Variants in CYFIP2 observed in about 807,000 individuals in gnomAD.
CYFIP2 encodes cytoplasmic FMR1 interacting protein 2.
Under a neutral mutation model 158.7 loss-of-function variants are expected in CYFIP2, and 29 were observed. The observed-to-expected ratio is 0.18, with a 90% CI of 0.14 to 0.25. CYFIP2 has a LOEUF of 0.25. Among genes scored for constraint, CYFIP2 ranks in the 10% least tolerant of loss-of-function variants. CYFIP2 has a pLI of 1.00. For synonymous variants in CYFIP2, 585 were observed against 617.6 expected, an observed-to-expected ratio of 0.95 and a Z score of 0.78; for missense variants, 852 against 1,639.5, an observed-to-expected ratio of 0.52 and a Z score of 8.29.
intron 20 of CYFIP2, among the ~76,000 whole-genome samples, chr5:157,331,809 A>G (rs1008616698): frequency 6.6e-6 from 1 of 152,184 alleles, no homozygotes; most frequent in Non-Finnish European, 1.5e-5. Flanking sequence ...GTTGGTAGAA[A>G]ATTGATGCCA....
chr5:157,341,049 C>A, intron 22 of CYFIP2, 21 bp from the exon 23 acceptor site: 1 of 1,609,360 alleles, frequency 6.2e-7, no homozygotes, highest in East Asian at 2.2e-5. Flanking sequence ...TAACTCTTTC[C>A]CATCCCTATG....
chr5:157,310,813 A>G (rs1759652625), intron 10 of CYFIP2, among the ~76,000 whole-genome samples: 1 of 152,236 alleles, frequency 6.6e-6, no homozygotes, highest in Admixed American at 6.5e-5. Context: ...TGTGAGAACC[A>G]TATCAGGGCT....
At chr5:157,355,294 C>T (rs1763339823) in intron 23 of CYFIP2, among the ~76,000 whole-genome samples, 1 of 152,170 alleles carries the variant, frequency 6.6e-6, no homozygotes, top group African/African-American at 2.4e-5. Context: ...TCGTAGCTGT[C>T]GCCAAAGCTG....
intron 15 of CYFIP2, 100 bp from the exon 16 acceptor site, chr5:157,323,821 C>A: frequency 7.7e-7 from 1 of 1,302,590 alleles, no homozygotes; most frequent in Admixed American, 2.9e-5. Context: ...GAGCAGACAT[C>A]TGCAGAAAAA....
At chr5:157,287,951 G>A (rs1205487371) in intron 3 of CYFIP2, among the ~76,000 whole-genome samples, 1 of 151,880 alleles carries the variant, frequency 6.6e-6, no homozygotes, top group Non-Finnish European at 1.5e-5. Context: ...AAATTAGCCG[G>A]GTGAGGTGGC....
At chr5:157,380,776 T>A (rs1344411592) in intron 26 of CYFIP2, among the ~76,000 whole-genome samples, 1 of 152,210 alleles carries the variant, frequency 6.6e-6, no homozygotes, top group Non-Finnish European at 1.5e-5. Context: ...TAATTCACCA[T>A]GTGAATATGA....
At chr5:157,335,525 C>T (rs1184723555) in intron 21 of CYFIP2, among the ~76,000 whole-genome samples, 1 of 152,184 alleles carries the variant, frequency 6.6e-6, no homozygotes, top group African/African-American at 2.4e-5. Flanking sequence ...ATCTGCCTGC[C>T]TTGGCCTCCC....
intron 29 of CYFIP2, among the ~76,000 whole-genome samples, chr5:157,389,850 G>A (rs1425973555): frequency 6.6e-6 from 1 of 152,208 alleles, no homozygotes; most frequent in African/African-American, 2.4e-5. Flanking sequence ...CTGTTTCAGA[G>A]CAGCGCTAGC....
At chr5:157,371,981 C>A (rs1561776758) in intron 26 of CYFIP2, among the ~76,000 whole-genome samples, 1 of 152,172 alleles carries the variant, frequency 6.6e-6, no homozygotes, top group Non-Finnish European at 1.5e-5. Flanking sequence ...ACTACTGAAT[C>A]ATAACTTTTA....
At position 157,315,088 on chromosome 5, in the gene CYFIP2, C is replaced by T. The variant is rs561569282; in HGVS notation, c.1350C>T (p.Phe450=). 14 of 1,613,590 alleles carry T rather than the reference C, an allele frequency of 8.7e-6. No individual in the cohort carries two copies. Among genetic ancestry groups the T allele is most frequent in the East Asian group, 4.5e-5 (2 of 44,878 alleles). The stretch of plus-strand genomic sequence containing the variant: ...ACACCAGTGAGGAAAAATTTGCCTT[C>T]GTTGAGGTAGGTGCAGACTCCCTGC... The part of the protein sequence containing the change: ...YNYTSEEKFA[F]VEVIAMIKGL... Residue 450 remains phenylalanine (F), a synonymous_variant, in exon 13 of 31, where the codon TTC becomes TTT. Transcript: ENST00000620254.
intron 25 of CYFIP2, among the ~76,000 whole-genome samples, chr5:157,360,782 C>A (rs1763757142): frequency 6.6e-6 from 1 of 152,196 alleles, no homozygotes; most frequent in Non-Finnish European, 1.5e-5. Flanking sequence ...AAATGGACAT[C>A]TTTGCTGTTT....
At chr5:157,290,204 A>G (rs1223357881) in intron 3 of CYFIP2, among the ~76,000 whole-genome samples, 1 of 152,202 alleles carries the variant, frequency 6.6e-6, no homozygotes, top group Non-Finnish European at 1.5e-5. Flanking sequence ...TTAGAAGAAC[A>G]CTGATTTATT....
chr5:157,375,059 G>A (rs1200703908), intron 26 of CYFIP2, among the ~76,000 whole-genome samples: 3 of 152,176 alleles, frequency 2.0e-5, no homozygotes, highest in Admixed American at 1.3e-4. Context: ...TTTAAAATCA[G>A]CATTCCCAAC....
intron 26 of CYFIP2, chr5:157,363,191 C>T (rs1183882998): frequency 2.0e-5 from 3 of 152,256 alleles, no homozygotes; most frequent in East Asian, 1.9e-4. Flanking sequence ...ATGGTGCTCC[C>T]AGTCGGCCCA....
chr5:157,286,552 G>GTATATATATATATATATATATA (rs34826918), intron 2 of CYFIP2, among the ~76,000 whole-genome samples: 9 of 138,126 alleles, frequency 6.5e-5, no homozygotes, highest in African/African-American at 1.9e-4. Flanking sequence ...GCTATTTTAT[G>GTATATATATATATATATATATA]TATATATATA....
chr5:157,375,989 C>T (rs1312708292), intron 26 of CYFIP2: 1 of 152,426 alleles, frequency 6.6e-6, no homozygotes, highest in Admixed American at 6.6e-5. Flanking sequence ...CACTGTGGCC[C>T]ACACTCCTCA....
At chr5:157,389,068 G>A in intron 28 of CYFIP2, 121 bp from the exon 29 acceptor site, 2 of 906,752 alleles carry the variant, frequency 2.2e-6, no homozygotes, top group Non-Finnish European at 3.3e-6. Flanking sequence ...CTCTGAACAA[G>A]ACCAGTTCTG....
chr5:157,387,905 C>T (rs1328861721), intron 28 of CYFIP2, among the ~76,000 whole-genome samples: 1 of 152,158 alleles, frequency 6.6e-6, no homozygotes, highest in Non-Finnish European at 1.5e-5. Flanking sequence ...ACTCATGGTC[C>T]ACATTTATAA....
chr5:157,286,342 A>AT (rs1757376053), intron 2 of CYFIP2, among the ~76,000 whole-genome samples: 1 of 150,478 alleles, frequency 6.6e-6, no homozygotes, highest in Non-Finnish European at 1.5e-5. Context: ...ATATACATAT[A>AT]TATGTGTGTG....
Sources: allele counts gnomAD v4.1 joint callset (sites outside exome capture counted in the v4.1 genomes callset), GRCh38; gene constraint gnomAD v4.1.1; transcripts MANE v1.5; gene names NCBI Gene and HGNC (gene_info 2026-07-23, HGNC 2026-07-21).